HECW1: variants seen among roughly 807,000 people sequenced by gnomAD.
The protein encoded by HECW1 is E3 ubiquitin-protein ligase HECW1.
A neutral mutation model predicts 182.3 loss-of-function variants in HECW1; 61 were observed. The observed-to-expected ratio is 0.33, with a 90% CI of 0.27 to 0.41. The LOEUF (loss-of-function observed/expected upper bound fraction) is 0.41, where lower values mean the gene tolerates loss of function less well. Among genes scored for constraint, HECW1 ranks in the 10% least tolerant of loss-of-function variants. The probability of loss-of-function intolerance (pLI) is 1.00; values close to 1 mark genes in which losing one functional copy is unlikely to be tolerated. For missense variants in HECW1, 1,739 were observed against 2,108.9 expected (o/e 0.82, Z 3.44); for synonymous variants, 859 against 832.6 (o/e 1.03, Z -0.55).
In HECW1 at chr7:43,526,780, T is replaced by G. The variant is rs2080774084; in HGVS notation, c.4020-14383T>G. On this transcript the variant is annotated intron_variant, in intron 24 of 29. Transcript: ENST00000395891. ...CTTTGGGAGGCCAAGGCAGGAAGAT[T>G]GCTTGAGTCCAGGAGTTTGAGACTA... 3.9e-5 allele frequency among the ~76,000 whole-genome samples: 6 copies of G among 152,190 alleles called. No homozygotes were observed. The South Asian group carries it at 1.0e-3, about 26-fold the overall frequency.
intron 9 of HECW1, 84 bp downstream of exon 9, chr7:43,438,229 T>G: frequency 8.5e-7 from 1 of 1,173,132 alleles, no homozygotes; most frequent in Non-Finnish European, 1.2e-6. Context: ...TGCAATAGTA[T>G]AGTCTCACAG....
chr7:43,307,931 T>C (rs375260754), intron 3 of HECW1, among the ~76,000 whole-genome samples: 9,305 of 135,418 alleles, frequency 0.069, 436 homozygotes, highest in Middle Eastern at 0.12. Context: ...CACACACATA[T>C]AGTGAAATGT....
intron 6 of HECW1, among the ~76,000 whole-genome samples, chr7:43,379,682 A>C (rs1339254184): frequency 6.6e-6 from 1 of 152,050 alleles, no homozygotes; most frequent in Non-Finnish European, 1.5e-5. Flanking sequence ...CTTGCACTTC[A>C]GGTTTCTCTG....
At chr7:43,119,113 A>C (rs1056518444) in intron 2 of HECW1, 1 of 152,366 alleles carries the variant, frequency 6.6e-6, no homozygotes, top group South Asian at 2.1e-4. Flanking sequence ...GCCTGAGACC[A>C]GAAGATCACC....
intron 3 of HECW1, among the ~76,000 whole-genome samples, chr7:43,276,231 C>T (rs1803126292): frequency 6.6e-6 from 1 of 152,138 alleles, no homozygotes; most frequent in Non-Finnish European, 1.5e-5. Flanking sequence ...TGACTCCTAG[C>T]ATAGCCTGTT....
chr7:43,562,183 CTG>C lies in HECW1; in HGVS notation c.*261_*262del. ...TATTAAAAAACAGCTGTCTCAAGGT[CTG>C]TGTATATCTCCACATACCTCCATTA... On this transcript the variant is annotated 3_prime_UTR_variant, in exon 30 of 30. Transcript: ENST00000395891. 1 of 400,278 alleles carries C rather than the reference CTG, an allele frequency of 2.5e-6. No individual in the cohort carries two copies. Among genetic ancestry groups the C allele is most frequent in the Non-Finnish European group, 4.5e-6 (1 of 220,626 alleles). 24.8% of individuals were successfully genotyped at this position (400,278 alleles called of 1,614,324 possible).
intron 3 of HECW1, among the ~76,000 whole-genome samples, chr7:43,266,899 T>A (rs918914759): frequency 1.3e-5 from 2 of 152,132 alleles, no homozygotes; most frequent in Admixed American, 1.3e-4. Context: ...TAGTGAGATT[T>A]GAGGAGGAGA....
At chr7:43,419,275 A>G (rs546352399) in intron 8 of HECW1, among the ~76,000 whole-genome samples, 7 of 152,348 alleles carry the variant, frequency 4.6e-5, no homozygotes, top group African/African-American at 1.7e-4. Context: ...CAGGGCAAAG[A>G]TCCCACTGTG....
At chr7:43,518,045 G>GA (rs1050202728) in intron 24 of HECW1, among the ~76,000 whole-genome samples, 3 of 151,816 alleles carry the variant, frequency 2.0e-5, no homozygotes, top group Non-Finnish European at 4.4e-5. Flanking sequence ...GAAAATACGT[G>GA]AAAAAAAGGA....
chr7:43,234,530 T>C (rs995354650), intron 2 of HECW1, among the ~76,000 whole-genome samples: 3 of 152,122 alleles, frequency 2.0e-5, no homozygotes, highest in Non-Finnish European at 4.4e-5. Context: ...GCCTGGAATA[T>C]TCTTCCCTTG....
At chr7:43,382,351 G>A (rs562472832) in intron 6 of HECW1, among the ~76,000 whole-genome samples, 35 of 152,174 alleles carry the variant, frequency 2.3e-4, no homozygotes, top group East Asian at 1.2e-3. Flanking sequence ...CTGAGGATGC[G>A]GTGAAGCAAT....
intron 3 of HECW1, among the ~76,000 whole-genome samples, chr7:43,263,085 C>T (rs12540532): frequency 0.033 from 4,980 of 152,172 alleles, 149 homozygotes; most frequent in East Asian, 0.16. Context: ...CTGCATTTTC[C>T]GCAATTACTT....
intron 8 of HECW1, among the ~76,000 whole-genome samples, chr7:43,422,701 A>G (rs919650510): frequency 6.6e-6 from 1 of 152,232 alleles, no homozygotes; most frequent in East Asian, 1.9e-4. Context: ...CGAGTGCTTT[A>G]CCAGAATTAT....
chr7:43,405,615 G>T (rs114961620), intron 7 of HECW1, among the ~76,000 whole-genome samples: 64 of 152,220 alleles, frequency 4.2e-4, no homozygotes, highest in African/African-American at 1.5e-3. Flanking sequence ...GGTGGTGCTG[G>T]TCATGTGTGC....
intron 28 of HECW1, among the ~76,000 whole-genome samples, chr7:43,553,544 C>T (rs1486611210): frequency 6.6e-6 from 1 of 151,952 alleles, no homozygotes; most frequent in Non-Finnish European, 1.5e-5. Context: ...TGGCACATGC[C>T]TGTAGTCCCA....
At position 43,243,600 on chromosome 7, in the gene HECW1, A is replaced by G. The variant is rs1799088204; in HGVS notation, c.-31-275A>G. On this transcript the variant is annotated intron_variant, in intron 2 of 29. Transcript: ENST00000395891. This position sits in a 1 kb window ranked among gnomAD's most constrained non-coding sequence, Gnocchi z 4.0. ...CCAGATCCTTGTTTCTTGAAAAAGA[A>G]AAAAAAAAATTCTAGGCTCATGAGT... 1.2e-5 allele frequency among the ~76,000 whole-genome samples: 1 copy of G among 85,708 alleles called. No homozygotes were observed. The allele number at this position is 85,708 out of a possible 152,430, so 56.2% of individuals were successfully genotyped here. A position where few individuals can be genotyped will look rare whatever the true frequency, so the allele number is the denominator to read the frequency against.
In HECW1 at chr7:43,396,876, C is replaced by T. The variant is rs1307632741; in HGVS notation, c.618C>T (p.Ser206=). 2 of 1,612,150 alleles carry T rather than the reference C, an allele frequency of 1.2e-6. No homozygotes were observed. The highest frequency in any genetic ancestry group is 3.3e-5 in the Admixed American group (2 of 59,996). The stretch of plus-strand genomic sequence containing the variant: ...GACAAGGAAGTCGGAGGCTGATCAG[C>T]TTCTCTCTCTCAGGTATGTTTTGCT... The part of the protein sequence containing the change: ...VQGQGSRRLI[S]FSLSDFQAMG... The change falls in exon 7 of 30, where the codon AGC becomes AGT. Residue 206 remains serine, a synonymous_variant. Transcript: ENST00000395891.
intron 2 of HECW1, among the ~76,000 whole-genome samples, chr7:43,210,211 A>T (rs1229041842): frequency 1.3e-5 from 2 of 152,100 alleles, no homozygotes; most frequent in Non-Finnish European, 2.9e-5. Flanking sequence ...GACTCTCTTA[A>T]CTGGAGGGGT....
intron 2 of HECW1, among the ~76,000 whole-genome samples, chr7:43,193,159 T>C (rs1221364892): frequency 6.6e-6 from 1 of 152,200 alleles, no homozygotes; most frequent in Admixed American, 6.5e-5. Context: ...TCTTTTAGCA[T>C]GCTAATGCAT....
Sources: allele counts gnomAD v4.1 joint callset (sites outside exome capture counted in the v4.1 genomes callset), GRCh38; gene constraint gnomAD v4.1.1; non-coding constraint Gnocchi (gnomAD v3.1); transcripts MANE v1.5; gene names NCBI Gene and HGNC (gene_info 2026-07-23, HGNC 2026-07-21).